ARHGAP23: variants seen among roughly 807,000 people sequenced by gnomAD.
ARHGAP23 encodes the protein rho GTPase-activating protein 23.
A neutral mutation model predicts 136.3 loss-of-function variants in ARHGAP23; 34 were observed. The ratio of observed to expected loss-of-function variants is 0.25; its 90% CI spans 0.19 to 0.33. ARHGAP23 has a LOEUF of 0.33. ARHGAP23 is among the 10% of genes least tolerant of loss of function. The probability of loss-of-function intolerance (pLI) is 1.00; values close to 1 mark genes in which losing one functional copy is unlikely to be tolerated. For missense variants in ARHGAP23, 1,808 were observed against 2,139.0 expected (o/e 0.85, Z 3.05); for synonymous variants, 832 against 920.5 (o/e 0.90, Z 1.74).
At chr17:38,485,261 C>T (rs1474291093) in intron 16 of ARHGAP23, among the ~76,000 whole-genome samples, 1 of 152,108 alleles carries the variant, frequency 6.6e-6, no homozygotes, top group African/African-American at 2.4e-5. Context: ...TTGGGAAAAT[C>T]AAAATGGCTC....
At chr17:38,497,479 G>A (rs1206601042) in intron 20 of ARHGAP23, among the ~76,000 whole-genome samples, 1 of 152,208 alleles carries the variant, frequency 6.6e-6, no homozygotes, top group African/African-American at 2.4e-5. Context: ...TTAGAGAAAA[G>A]CAAGTAAAAG....
At chr17:38,480,210 T>C (rs993193492) in intron 14 of ARHGAP23, among the ~76,000 whole-genome samples, 2 of 152,130 alleles carry the variant, frequency 1.3e-5, no homozygotes, top group Admixed American at 6.5e-5. Context: ...TGTTAGAAAG[T>C]TCTTACCTGG....
intron 1 of ARHGAP23, among the ~76,000 whole-genome samples, chr17:38,435,755 T>A (rs1045980847): frequency 2.0e-5 from 3 of 152,198 alleles, no homozygotes; most frequent in Non-Finnish European, 2.9e-5. Context: ...CCCTCTACCA[T>A]GCCCGGCTAA....
intron 1 of ARHGAP23, among the ~76,000 whole-genome samples, chr17:38,420,313 C>G (rs748168053): frequency 2.0e-5 from 3 of 152,240 alleles, no homozygotes; most frequent in South Asian, 2.1e-4. Flanking sequence ...CCCTTCCCAA[C>G]CCCCACTTGG....
intron 12 of ARHGAP23, among the ~76,000 whole-genome samples, chr17:38,478,377 C>T (rs374558517): frequency 0.013 from 1,957 of 150,612 alleles, 26 homozygotes; most frequent in Non-Finnish European, 0.021. Context: ...CACAGGTGGG[C>T]AGGGGTGGAG....
At chr17:38,425,738 G>C (rs1164617205), upstream of ARHGAP23, among the ~76,000 whole-genome samples, 2 of 152,166 alleles carry the variant, frequency 1.3e-5, no homozygotes, top group East Asian at 3.9e-4. Flanking sequence ...CATGGAGTGA[G>C]ACCCAGAGTG....
chr17:38,466,900 C>T lies in ARHGAP23; in HGVS notation c.1217C>T (p.Ser406Phe), dbSNP rs530587471. ...DLPGPQAPPP[S>F]GLQGLDDLGY... ...CCAGGGCCCCAGGCCCCACCCCCGT[C>T]TGGCCTGCAGGGCCTGGATGACCTC... Residue 406 changes from serine (S) to phenylalanine (F), a missense_variant, in exon 7 of 24, where the codon TCT becomes TTT. Ser to Phe is a radical substitution (Grantham distance 155). Coordinates refer to ENST00000622683, the MANE Select transcript of ARHGAP23 (RefSeq NM_001199417.2). 3 of 1,550,386 alleles carry T rather than the reference C, an allele frequency of 1.9e-6. No homozygotes were observed. Among genetic ancestry groups the T allele is most frequent in the African/African-American group, 1.4e-5 (1 of 73,190 alleles).
At chr17:38,421,826 C>T (rs1056759675) in intron 1 of ARHGAP23, among the ~76,000 whole-genome samples, 2 of 152,222 alleles carry the variant, frequency 1.3e-5, no homozygotes, top group Non-Finnish European at 2.9e-5. Flanking sequence ...AGAGCTTCGA[C>T]GGGGAGGTGG....
In ARHGAP23 at chr17:38,482,646, C is replaced by T. The variant is rs995132979; in HGVS notation, c.2875C>T (p.Arg959Cys). The change falls in exon 16 of 24, where the codon CGC becomes TGC. Residue 959 changes from arginine (R) to cysteine (C), a missense_variant. Coordinates refer to ENST00000622683, the MANE Select transcript of ARHGAP23 (RefSeq NM_001199417.2). ...GTCCAGCCTACAGGAGCAGCTCAAC[C>T]GCGGGCCTGGTGACATCAACCTGCA... ...VVSSLQEQLN[R>C]GPGDINLQDE... The T allele has an allele frequency of 5.2e-6, 8 of 1,549,042 alleles. No homozygotes were observed. Among genetic ancestry groups the T allele is most frequent in the East Asian group, 4.9e-5 (2 of 40,928 alleles).
At chr17:38,433,140 T>G (rs1855073428) in intron 1 of ARHGAP23, among the ~76,000 whole-genome samples, 1 of 152,076 alleles carries the variant, frequency 6.6e-6, no homozygotes. Context: ...TTGTATTTTT[T>G]ATAGAGACAG....
chr17:38,484,057 C>T (rs1257706449), intron 16 of ARHGAP23, among the ~76,000 whole-genome samples: 1 of 152,062 alleles, frequency 6.6e-6, no homozygotes, highest in African/African-American at 2.4e-5. Flanking sequence ...GGGGAGGCAT[C>T]GTGAGAACAA....
At position 38,470,191 on chromosome 17, in the gene ARHGAP23, CG is replaced by C. The variant is rs558946524; in HGVS notation, c.1974+289del. 2.9e-3 allele frequency among the ~76,000 whole-genome samples: 444 copies of C among 152,342 alleles called. 3 individuals carry two copies. The highest frequency in any genetic ancestry group is 9.8e-3 in the African/African-American group (407 of 41,578). ...ATGACTCACTTCTCCCCTGTCTTCG[CG>C]GCTTTTTAGGTCTTCCCTGAAATTC... On this transcript the variant is annotated intron_variant, in intron 10 of 23. Coordinates refer to ENST00000622683, the MANE Select transcript of ARHGAP23 (RefSeq NM_001199417.2).
At chr17:38,481,133 G>A (rs1228821536) in intron 14 of ARHGAP23, among the ~76,000 whole-genome samples, 1 of 151,828 alleles carries the variant, frequency 6.6e-6, no homozygotes, top group African/African-American at 2.4e-5. Context: ...GTGCCACCAC[G>A]CCCGGCTAAT....
rs539130313 is a variant in ARHGAP23, at chr17:38,493,568, G to A, written c.3276+2036G>A. Reference sequence around the variant, plus strand: ...TGTCCTTCCCTTCTCTGCCTCCTTGGCATCTGAACGTAACCAGCCCTGGAT... The same window carrying A: ...TGTCCTTCCCTTCTCTGCCTCCTTGACATCTGAACGTAACCAGCCCTGGAT... On this transcript the variant is annotated intron_variant, in intron 20 of 23. Transcript: ENST00000622683. Among the ~76,000 whole-genome samples, 15 of 152,204 alleles carry A rather than the reference G, an allele frequency of 9.9e-5. No homozygotes were observed. In the South Asian group the frequency reaches 2.9e-3, roughly 30 times the overall value.
intron 1 of ARHGAP23, among the ~76,000 whole-genome samples, chr17:38,442,920 T>G (rs934869519): frequency 1.3e-5 from 2 of 152,116 alleles, no homozygotes; most frequent in African/African-American, 4.8e-5. Context: ...GTGAGCAGAC[T>G]CCAGAGACAT....
intron 6 of ARHGAP23, among the ~76,000 whole-genome samples, 154 bp from the exon 7 acceptor site, chr17:38,466,013 A>ACCCC (rs2039581939): frequency 7.6e-6 from 1 of 131,318 alleles, no homozygotes; most frequent in African/African-American, 3.0e-5. Flanking sequence ...CTGCCCTTCC[A>ACCCC]CCCCCACCCA....
chr17:38,510,624 C>G lies in ARHGAP23; in HGVS notation c.4128C>G (p.Leu1376=), dbSNP rs1430175243. ...PSRMEALRLR[L]RGTADDMLAV... ...GCATGGAGGCGCTGCGTCTAAGGCT[C>G]CGCGGCACGGCGGACGACATGCTCG... The change falls in exon 24 of 24, where the codon CTC becomes CTG. Residue 1376 remains leucine (L), a synonymous_variant. Transcript: ENST00000622683. This position sits in a 1 kb window ranked among gnomAD's most constrained non-coding sequence, Gnocchi z 4.6. 7.4e-7 allele frequency: 1 copy of G among 1,347,124 alleles called. No individual in the cohort carries two copies. The highest frequency in any genetic ancestry group is 9.5e-7 in the Non-Finnish European group (1 of 1,057,970). 83.4% of individuals were successfully genotyped at this position (1,347,124 alleles called of 1,614,324 possible).
At chr17:38,474,930 G>C (rs1280343156) in intron 11 of ARHGAP23, among the ~76,000 whole-genome samples, 1 of 152,166 alleles carries the variant, frequency 6.6e-6, no homozygotes, top group Non-Finnish European at 1.5e-5. Context: ...GTCCTTGTGA[G>C]GGTGGCTGGC....
At chr17:38,476,709 C>A (rs2039899908) in intron 11 of ARHGAP23, among the ~76,000 whole-genome samples, 1 of 152,158 alleles carries the variant, frequency 6.6e-6, no homozygotes, top group South Asian at 2.1e-4. Context: ...GCTCCGCCTC[C>A]TTTAGGGCGG....
Sources: allele counts gnomAD v4.1 joint callset (sites outside exome capture counted in the v4.1 genomes callset), GRCh38; gene constraint gnomAD v4.1.1; non-coding constraint Gnocchi (gnomAD v3.1); transcripts MANE v1.5; gene names NCBI Gene and HGNC (gene_info 2026-07-23, HGNC 2026-07-21).